The following CSRNP3 variants were observed in gnomAD, a reference collection of about 807,000 sequenced individuals.
CSRNP3 encodes the protein cysteine/serine-rich nuclear protein 3.
A neutral mutation model predicts 48.0 loss-of-function variants in CSRNP3; 12 were observed. The ratio of observed to expected loss-of-function variants is 0.25; its 90% confidence interval spans 0.16 to 0.41. The LOEUF is 0.41. Ranked by LOEUF, CSRNP3 falls within the 10% of genes least tolerant of loss-of-function variation. The pLI is 1.00. For missense variants in CSRNP3, 580 were observed against 724.4 expected (o/e 0.80, Z 2.29); for synonymous variants, 263 against 269.7 (o/e 0.98, Z 0.24).
In CSRNP3 at chr2:165,678,737, G is replaced by A. The variant is rs1382950269; in HGVS notation, c.742G>A (p.Glu248Lys). The A allele has an allele frequency of 6.2e-7, 1 of 1,613,934 alleles. No homozygotes were observed. Among genetic ancestry groups the A allele is most frequent in the African/African-American group, 1.3e-5 (1 of 74,902 alleles). ...GTCTTTCCCATGCGGCTGCACTAAAGAAGGATGTAGTAACACAGCAGGTAG... is the reference window on the plus strand; with the variant it reads ...GTCTTTCCCATGCGGCTGCACTAAAAAAGGATGTAGTAACACAGCAGGTAG... ...RMSFPCGCTKEGCSNTAGRIE... is the reference protein window; with the variant it reads ...RMSFPCGCTKKGCSNTAGRIE... The change falls in exon 7 of 7, where the codon GAA (glutamate) becomes AAA (lysine). Residue 248 changes from glutamate to lysine, a missense_variant. Physicochemically the swap from Glu to Lys is moderately conservative, Grantham distance 56. This residue lies in a region of CSRNP3 where 66 missense variants were observed against 137.6 expected (regional missense o/e 0.48). Coordinates refer to ENST00000651982, the MANE Select transcript of CSRNP3 (RefSeq NM_001172173.2).
At chr2:165,513,929 G>A (rs1684541955) in intron 2 of CSRNP3, among the ~76,000 whole-genome samples, 1 of 152,182 alleles carries the variant, frequency 6.6e-6, no homozygotes, top group Non-Finnish European at 1.5e-5. Flanking sequence ...GGTTCTAGAT[G>A]ACTTTCTCAA....
At chr2:165,591,839 C>T (rs1685722655) in intron 3 of CSRNP3, among the ~76,000 whole-genome samples, 1 of 152,170 alleles carries the variant, frequency 6.6e-6, no homozygotes, top group African/African-American at 2.4e-5. Context: ...GGGCAAAGCT[C>T]TCATGAATAC....
chr2:165,505,194 A>C (rs1055029813), intron 2 of CSRNP3, among the ~76,000 whole-genome samples: 24 of 152,256 alleles, frequency 1.6e-4, no homozygotes, highest in Non-Finnish European at 7.4e-5. Flanking sequence ...ACGAAAAAAC[A>C]AGCAAGCAAA....
rs897462668 is a variant in CSRNP3 at position 165,681,152 on chromosome 2, A to G, written c.*1399A>G. On this transcript the variant is annotated 3_prime_UTR_variant, in exon 7 of 7. Transcript: ENST00000651982. ...TTACCTGCACTTGGTTCGTCGGAGG[A>G]CTTCTAGGATCCCGTTTCCCTGTAA... is the stretch of plus-strand genomic sequence containing the variant. 8 of 152,160 alleles carry G rather than the reference A, an allele frequency of 5.3e-5. No individual in the cohort carries two copies. The highest frequency in any genetic ancestry group is 1.9e-4 in the African/African-American group (8 of 41,444). 9.4% of individuals were successfully genotyped at this position (152,160 alleles called of 1,614,324 possible). A position where few individuals can be genotyped will look rare whatever the true frequency, so the allele number is the denominator to read the frequency against.
intron 5 of CSRNP3, among the ~76,000 whole-genome samples, chr2:165,666,969 AG>A (rs1558968140): frequency 3.2e-5 from 1 of 31,664 alleles, no homozygotes; most frequent in African/African-American, 7.4e-5. Context: ...GAAGGAAGGA[AG>A]GAAAGAGAGA....
chr2:165,589,285 C>A (rs750177200), intron 3 of CSRNP3, among the ~76,000 whole-genome samples: 1 of 152,176 alleles, frequency 6.6e-6, no homozygotes, highest in Non-Finnish European at 1.5e-5. Context: ...AAGAAAACCA[C>A]ATCTCCCTTT....
chr2:165,611,313 T>C (rs1446237373), intron 4 of CSRNP3, among the ~76,000 whole-genome samples: 1 of 151,900 alleles, frequency 6.6e-6, no homozygotes, highest in Non-Finnish European at 1.5e-5. Flanking sequence ...ATGATAACTA[T>C]GTGAGGCAAC....
At chr2:165,637,877 C>A (rs1010746251) in intron 4 of CSRNP3, among the ~76,000 whole-genome samples, 1 of 152,174 alleles carries the variant, frequency 6.6e-6, no homozygotes, top group Non-Finnish European at 1.5e-5. Context: ...AACCAGTATT[C>A]GCATTGTATT....
chr2:165,485,301 C>A (rs1684098110), intron 1 of CSRNP3, among the ~76,000 whole-genome samples: 1 of 152,126 alleles, frequency 6.6e-6, no homozygotes, highest in Non-Finnish European at 1.5e-5. Context: ...ATCACCTTGA[C>A]AGAAATTATT....
chr2:165,474,950 A>G lies in CSRNP3; in HGVS notation c.-283+5210A>G, dbSNP rs138074931. 2.2e-4 allele frequency among the ~76,000 whole-genome samples: 33 copies of G among 152,286 alleles called. No individual in the cohort carries two copies. The East Asian group carries it at 6.4e-3, about 29-fold the overall frequency. On this transcript the variant is annotated intron_variant, in intron 1 of 6. Coordinates refer to ENST00000651982, the MANE Select transcript of CSRNP3 (RefSeq NM_001172173.2). Reference sequence around the variant, plus strand: ...CAGCTTTGTATTTTAGCAAGTGTGGATACAGTTAGTTGCTGTCATGTTGTG... The same window carrying G: ...CAGCTTTGTATTTTAGCAAGTGTGGGTACAGTTAGTTGCTGTCATGTTGTG...
chr2:165,522,695 G>A (rs1684678759), intron 3 of CSRNP3, among the ~76,000 whole-genome samples: 1 of 151,886 alleles, frequency 6.6e-6, no homozygotes, highest in South Asian at 2.1e-4. Flanking sequence ...CACTTCTTTT[G>A]CTTAGAATAA....
intron 4 of CSRNP3, among the ~76,000 whole-genome samples, chr2:165,598,010 G>A (rs562980395): frequency 2.6e-5 from 4 of 151,984 alleles, no homozygotes; most frequent in Non-Finnish European, 4.4e-5. Flanking sequence ...AAAGCACTTC[G>A]GAAATACAAG....
At chr2:165,551,123 T>C (rs909003371) in intron 3 of CSRNP3, among the ~76,000 whole-genome samples, 1 of 152,190 alleles carries the variant, frequency 6.6e-6, no homozygotes, top group African/African-American at 2.4e-5. Context: ...TTAGATGTAA[T>C]TCCAAGGTTG....
rs187445892 is a variant in CSRNP3, at chr2:165,685,398, T to A, written c.*5645T>A. ...TGATCAGTTCTCAGGCTAGTCTAAG[T>A]CTGTGCTGTCTTGGCATGCCTTGGG... On this transcript the variant is annotated 3_prime_UTR_variant, in exon 7 of 7. Coordinates refer to ENST00000651982, the MANE Select transcript of CSRNP3 (RefSeq NM_001172173.2). 98 of 152,166 alleles carry A rather than the reference T, an allele frequency of 6.4e-4. 1 individual carries two copies. The highest frequency in any genetic ancestry group is 2.3e-3 in the African/African-American group (94 of 41,544). The allele number at this position is 152,166 out of a possible 1,614,324, so 9.4% of individuals were successfully genotyped here. A position where few individuals can be genotyped will look rare whatever the true frequency, so the allele number is the denominator to read the frequency against.
At chr2:165,653,318 G>A (rs542373748) in intron 4 of CSRNP3, among the ~76,000 whole-genome samples, 2 of 152,142 alleles carry the variant, frequency 1.3e-5, no homozygotes, top group Non-Finnish European at 2.9e-5. Context: ...TTCTCACAAT[G>A]TTATGTATAA....
At chr2:165,603,943 A>G (rs1685967037) in intron 4 of CSRNP3, among the ~76,000 whole-genome samples, 1 of 152,148 alleles carries the variant, frequency 6.6e-6, no homozygotes, top group African/African-American at 2.4e-5. Flanking sequence ...TATTACCCAC[A>G]TGTCTTTACC....
intron 5 of CSRNP3, among the ~76,000 whole-genome samples, chr2:165,669,933 T>A (rs1245399048): frequency 6.6e-6 from 1 of 152,072 alleles, no homozygotes; most frequent in Non-Finnish European, 1.5e-5. Flanking sequence ...GATGATTAAG[T>A]CAAATCATAA....
Position 165,688,774 on chromosome 2 carries a change from C to T in CSRNP3, c.*9021C>T, listed in dbSNP as rs1235336990. The stretch of plus-strand genomic sequence containing the variant: ...GAAGTCTTTTGAGAATATTTGTTCT[C>T]TTATTTTTTGTTTGTTTGTTGCTGG... On this transcript the variant is annotated 3_prime_UTR_variant, in exon 7 of 7. Coordinates refer to ENST00000651982, the MANE Select transcript of CSRNP3 (RefSeq NM_001172173.2). 1 of 151,188 alleles carries T rather than the reference C, an allele frequency of 6.6e-6. No individual in the cohort carries two copies. Among genetic ancestry groups the T allele is most frequent in the African/African-American group, 2.4e-5 (1 of 41,036 alleles). The allele number at this position is 151,188 out of a possible 1,614,324, so 9.4% of individuals were successfully genotyped here. A position where few individuals can be genotyped will look rare whatever the true frequency, so the allele number is the denominator to read the frequency against.
intron 3 of CSRNP3, among the ~76,000 whole-genome samples, chr2:165,548,828 A>G (rs1039979740): frequency 6.6e-6 from 1 of 152,076 alleles, no homozygotes; most frequent in Non-Finnish European, 1.5e-5. Context: ...GTCTTTAAAT[A>G]GCAGATTTAG....
Sources: allele counts gnomAD v4.1 joint callset (sites outside exome capture counted in the v4.1 genomes callset), GRCh38; gene constraint gnomAD v4.1.1; regional missense constraint gnomAD v4.1.1; transcripts MANE v1.5; gene names NCBI Gene and HGNC (gene_info 2026-07-23, HGNC 2026-07-21).